EBF1: variants seen among roughly 807,000 people sequenced by gnomAD.
EBF1 encodes EBF transcription factor 1, also known as transcription factor COE1.
EBF1 carries 10 observed loss-of-function variants against 68.4 expected under a neutral mutation model. The ratio of observed to expected loss-of-function variants is 0.15; its 90% confidence interval spans 0.09 to 0.25. EBF1 has a LOEUF of 0.25. Ranked by LOEUF, EBF1 falls within the 10% of genes least tolerant of loss-of-function variation. The pLI is 1.00. For missense variants in EBF1, 509 were observed against 794.4 expected (o/e 0.64, Z 4.32); for synonymous variants, 298 against 299.8 (o/e 0.99, Z 0.06).
intron 6 of EBF1, among the ~76,000 whole-genome samples, chr5:158,964,626 G>C (rs1361264660): frequency 2.6e-5 from 4 of 152,110 alleles, no homozygotes; most frequent in Non-Finnish European, 4.4e-5. Flanking sequence ...TCTACCTAAG[G>C]CTTCCCCAAT....
At chr5:158,972,945 G>A (rs1160167294) in intron 6 of EBF1, among the ~76,000 whole-genome samples, 1 of 152,210 alleles carries the variant, frequency 6.6e-6, no homozygotes, top group Non-Finnish European at 1.5e-5. Flanking sequence ...TGCTCCTTCA[G>A]GTCTTGGCTC....
intron 11 of EBF1, among the ~76,000 whole-genome samples, chr5:158,723,223 A>G (rs917524758): frequency 7.9e-5 from 12 of 152,198 alleles, no homozygotes; most frequent in African/African-American, 2.9e-4. Context: ...CTAGGCCACC[A>G]CTTGCCTCCT....
intron 6 of EBF1, among the ~76,000 whole-genome samples, chr5:159,006,387 A>T (rs1019563375): frequency 3.9e-5 from 6 of 151,966 alleles, no homozygotes; most frequent in Non-Finnish European, 5.9e-5. Flanking sequence ...CACTCTGTCC[A>T]TTTTTACAAT....
intron 6 of EBF1, among the ~76,000 whole-genome samples, chr5:159,051,288 C>T (rs944680669): frequency 2.3e-4 from 35 of 152,046 alleles, no homozygotes; most frequent in African/African-American, 8.4e-4. Context: ...TCAAGGCATC[C>T]TTTTCCTGGT....
intron 6 of EBF1, among the ~76,000 whole-genome samples, chr5:159,055,191 A>G (rs1774521881): frequency 6.6e-6 from 1 of 152,222 alleles, no homozygotes; most frequent in Non-Finnish European, 1.5e-5. Flanking sequence ...TTTACCTTAT[A>G]GTACATGCTA....
At chr5:158,885,808 C>T (rs961349142) in intron 6 of EBF1, among the ~76,000 whole-genome samples, 2 of 152,232 alleles carry the variant, frequency 1.3e-5, no homozygotes, top group Non-Finnish European at 2.9e-5. Flanking sequence ...CTATGTCAAC[C>T]ATTATTCTCT....
intron 6 of EBF1, among the ~76,000 whole-genome samples, chr5:159,048,234 T>C (rs1047662649): frequency 2.5e-4 from 38 of 152,168 alleles, no homozygotes; most frequent in African/African-American, 8.0e-4. Context: ...AAGTACGCAG[T>C]AGGTACTCAA....
Position 159,000,438 on chromosome 5 carries a change from GTTA to G in EBF1, c.554+72955_554+72957del, listed in dbSNP as rs749578996. Among the ~76,000 whole-genome samples, 366 of 151,344 alleles carry G rather than the reference GTTA, an allele frequency of 2.4e-3. 3 individuals carry two copies. Among genetic ancestry groups the G allele is most frequent in the Admixed American group, 6.7e-3 (102 of 15,238 alleles). On this transcript the variant is annotated intron_variant, in intron 6 of 15. Coordinates refer to ENST00000313708, the MANE Select transcript of EBF1 (RefSeq NM_024007.5). ...ACTGTCTGAGTTGCAAGCTGAAGTA[GTTA>G]TTTTCTGTTTTGTTTTGATTTTTCC...
chr5:158,766,474 A>G (rs2127637017), intron 10 of EBF1, among the ~76,000 whole-genome samples: 1 of 152,296 alleles, frequency 6.6e-6, no homozygotes, highest in African/African-American at 2.4e-5. Flanking sequence ...AGACATGTAC[A>G]AGTAACAAAA....
intron 6 of EBF1, among the ~76,000 whole-genome samples, chr5:159,034,842 G>T (rs374152509): frequency 9.2e-5 from 14 of 152,208 alleles, no homozygotes; most frequent in African/African-American, 2.9e-4. Context: ...CAAGAGCAAG[G>T]CACAAGATCC....
In EBF1 at chr5:158,738,898, G is replaced by C. The variant is rs1765742714; in HGVS notation, c.1037-7741C>G. ...TGAAACAAAATCCCAGCACTAACAG[G>C]AATCTCTGTGCCTAGGCTCCTGACA... On this transcript the variant is annotated intron_variant, in intron 10 of 15. Transcript: ENST00000313708. 7.2e-5 allele frequency among the ~76,000 whole-genome samples: 11 copies of C among 152,216 alleles called. No homozygotes were observed. In the South Asian group the frequency reaches 2.1e-3, roughly 29 times the overall value.
At chr5:158,831,493 G>C (rs1283537678) in intron 7 of EBF1, among the ~76,000 whole-genome samples, 1 of 151,928 alleles carries the variant, frequency 6.6e-6, no homozygotes, top group Non-Finnish European at 1.5e-5. Context: ...TTCTTACTGG[G>C]GACAGAGAGA....
intron 6 of EBF1, among the ~76,000 whole-genome samples, chr5:158,892,904 T>A (rs1801457016): frequency 7.5e-6 from 1 of 133,880 alleles, no homozygotes; most frequent in Non-Finnish European, 1.7e-5. Context: ...CCCTTTTACT[T>A]TGATTTTTTT....
intron 10 of EBF1, among the ~76,000 whole-genome samples, chr5:158,759,936 AT>A (rs1294957487): frequency 2.0e-5 from 3 of 150,852 alleles, no homozygotes; most frequent in African/African-American, 4.8e-5. Context: ...CAAAAAAAAA[AT>A]AATGTGACAA....
At chr5:158,925,687 C>G (rs748538774) in intron 6 of EBF1, among the ~76,000 whole-genome samples, 1 of 152,214 alleles carries the variant, frequency 6.6e-6, no homozygotes, top group Non-Finnish European at 1.5e-5. Context: ...CAGAGCCACA[C>G]CCCACACTGC....
chr5:158,731,165 AAAG>A lies in EBF1; in HGVS notation c.1037-11_1037-9del. 1.2e-6 allele frequency: 2 copies of A among 1,613,376 alleles called. No homozygotes were observed. Among genetic ancestry groups the A allele is most frequent in the Non-Finnish European group, 8.5e-7 (1 of 1,179,482 alleles). The stretch of plus-strand genomic sequence containing the variant: ...TGGTGGGTTCGTTGAGCGCTGCAAT[AAAG>A]AAGTCACACAATTAGTACATTTTCA... On this transcript the variant is annotated splice_polypyrimidine_tract_variant and intron_variant, in intron 10 of 15. Coordinates refer to ENST00000313708, the MANE Select transcript of EBF1 (RefSeq NM_024007.5).
chr5:158,847,612 A>T (rs1315366451), intron 6 of EBF1, among the ~76,000 whole-genome samples: 1 of 152,206 alleles, frequency 6.6e-6, no homozygotes, highest in African/African-American at 2.4e-5. Flanking sequence ...TTTTACACAG[A>T]TTACTCAAAT....
rs368003458 is a variant in EBF1, at chr5:158,786,989, T to G, written c.909+9356A>C. Among the ~76,000 whole-genome samples the G allele has an allele frequency of 1.5e-3, 235 of 152,308 alleles. 1 individual carries two copies. Among genetic ancestry groups the G allele is most frequent in the African/African-American group, 5.3e-3 (222 of 41,572 alleles). On this transcript the variant is annotated intron_variant, in intron 9 of 15. Transcript: ENST00000313708. ...TCACTCTAACATTTTTTGTGGTGTTTGTCATATCTAGATATGATATACATT... is the reference window on the plus strand; with the variant it reads ...TCACTCTAACATTTTTTGTGGTGTTGGTCATATCTAGATATGATATACATT...
chr5:158,991,725 T>C (rs1760363112), intron 6 of EBF1, among the ~76,000 whole-genome samples: 1 of 152,230 alleles, frequency 6.6e-6, no homozygotes, highest in South Asian at 2.1e-4. Context: ...GGTTTTTGTT[T>C]AAAATGTTCT....
Sources: gnomAD v4.1 joint callset for allele counts (sites outside exome capture counted in the v4.1 genomes callset) on GRCh38, gnomAD v4.1.1 for gene constraint, MANE v1.5 for transcripts, NCBI Gene and HGNC (gene_info 2026-07-23, HGNC 2026-07-21) for gene names.